The following ZDHHC2 variants were observed in gnomAD, a reference collection of about 807,000 sequenced individuals.
The protein encoded by ZDHHC2 is palmitoyltransferase ZDHHC2.
Under a neutral mutation model 55.6 loss-of-function variants are expected in ZDHHC2, and 51 were observed. That is an observed-to-expected ratio of 0.92 (90% CI 0.73 to 1.16). ZDHHC2 has a LOEUF of 1.16. ZDHHC2 is among the 50% of genes most tolerant of loss of function. ZDHHC2 has a pLI of 0.00. For missense variants in ZDHHC2, 491 were observed against 442.4 expected (o/e 1.11, Z -0.99); for synonymous variants, 199 against 152.9 (o/e 1.30, Z -2.22).
chr8:17,213,155 A>G (rs1313617305), intron 10 of ZDHHC2, among the ~76,000 whole-genome samples: 1 of 151,770 alleles, frequency 6.6e-6, no homozygotes, highest in African/African-American at 2.4e-5. Context: ...CTCTTTATTT[A>G]TATTCTGTTC....
intron 12 of ZDHHC2, among the ~76,000 whole-genome samples, chr8:17,218,989 G>T (rs1023265921): frequency 1.3e-5 from 2 of 151,326 alleles, no homozygotes; most frequent in Admixed American, 6.6e-5. Context: ...GGTGGCTCAC[G>T]CCTGGTAATC....
rs1247426777 is a variant in ZDHHC2, at chr8:17,222,664, A to C, written c.*2443A>C. On this transcript the variant is annotated 3_prime_UTR_variant, in exon 13 of 13. Coordinates refer to ENST00000262096, the MANE Select transcript of ZDHHC2 (RefSeq NM_016353.5). ...TTAAAGAACAGTTGCATCTGAATAT[A>C]ATCATGATGCATTCAATGAAGTTCA... 6.6e-6 allele frequency: 1 copy of C among 151,896 alleles called. No individual in the cohort carries two copies. The highest frequency in any genetic ancestry group is 1.5e-5 in the Non-Finnish European group (1 of 67,812). The allele number at this position is 151,896 out of a possible 1,614,324, so 9.4% of individuals were successfully genotyped here. A position where few individuals can be genotyped will look rare whatever the true frequency, so the allele number is the denominator to read the frequency against.
chr8:17,189,990 A>G (rs1449070130), intron 3 of ZDHHC2, among the ~76,000 whole-genome samples: 1 of 152,190 alleles, frequency 6.6e-6, no homozygotes, highest in Non-Finnish European at 1.5e-5. Context: ...CTTTCTTTTC[A>G]CTACACCATG....
chr8:17,212,154 C>T (rs1159758921), intron 10 of ZDHHC2, among the ~76,000 whole-genome samples: 1 of 152,110 alleles, frequency 6.6e-6, no homozygotes, highest in Non-Finnish European at 1.5e-5. Flanking sequence ...CAGATTTAGA[C>T]AGCTAAAGTC....
chr8:17,215,175 ATC>A, intron 10 of ZDHHC2, 60 bp from the exon 11 acceptor site: 1 of 1,458,630 alleles, frequency 6.9e-7, no homozygotes, highest in Non-Finnish European at 9.3e-7. Context: ...TTGAGAAACA[ATC>A]AACTTTACTA....
rs551659187 is a variant in ZDHHC2, at chr8:17,176,238, A to G, written c.131-8551A>G. Among the ~76,000 whole-genome samples, 4 of 152,292 alleles carry G rather than the reference A, an allele frequency of 2.6e-5. No homozygotes were observed. In the East Asian group the frequency reaches 7.7e-4, roughly 29 times the overall value. On this transcript the variant is annotated intron_variant, in intron 1 of 12. Transcript: ENST00000262096. Reference sequence around the variant, plus strand: ...GCCTTGCCCCGTGTTTGTGGTTAGTAGACTGTTAGGAATATCAGGACTGGC... The same window carrying G: ...GCCTTGCCCCGTGTTTGTGGTTAGTGGACTGTTAGGAATATCAGGACTGGC...
chr8:17,199,539 C>CGTCTTCT (rs149144941), intron 6 of ZDHHC2, among the ~76,000 whole-genome samples: 6 of 67,952 alleles, frequency 8.8e-5, no homozygotes, highest in Non-Finnish European at 1.7e-4. Flanking sequence ...CTTCTGTCTT[C>CGTCTTCT]GTCTTCTGTC....
At chr8:17,183,438 C>T (rs969445634) in intron 1 of ZDHHC2, among the ~76,000 whole-genome samples, 1 of 152,194 alleles carries the variant, frequency 6.6e-6, no homozygotes, top group Non-Finnish European at 1.5e-5. Flanking sequence ...AGAAAGCAAA[C>T]TCTGACTAGC....
intron 12 of ZDHHC2, among the ~76,000 whole-genome samples, chr8:17,219,697 C>G (rs543818163): frequency 1.3e-5 from 2 of 152,166 alleles, no homozygotes; most frequent in Admixed American, 1.3e-4. Flanking sequence ...TGACTTGAGC[C>G]AGGGAGGCGG....
intron 3 of ZDHHC2, among the ~76,000 whole-genome samples, chr8:17,194,811 T>C (rs762348811): frequency 3.9e-5 from 6 of 152,196 alleles, no homozygotes; most frequent in African/African-American, 7.2e-5. Context: ...TGTGTTCTTT[T>C]TTTTGTATTT....
intron 1 of ZDHHC2, among the ~76,000 whole-genome samples, chr8:17,161,612 C>G (rs948050200): frequency 6.6e-6 from 1 of 152,188 alleles, no homozygotes; most frequent in Non-Finnish European, 1.5e-5. Flanking sequence ...AATCCCAGCA[C>G]TTTGGGAGGC....
chr8:17,198,295 G>T, intron 5 of ZDHHC2, 86 bp from the exon 6 acceptor site: 1 of 1,294,002 alleles, frequency 7.7e-7, no homozygotes, highest in South Asian at 1.7e-5. Context: ...GCAGCTGTTT[G>T]AACTAACCAT....
chr8:17,187,413 A>C (rs537509846), intron 3 of ZDHHC2, among the ~76,000 whole-genome samples: 2 of 146,100 alleles, frequency 1.4e-5, no homozygotes, highest in East Asian at 2.0e-4. Flanking sequence ...AGCCAAGTTT[A>C]AAAAAAAAAA....
At chr8:17,218,642 G>C (rs1278280117) in intron 12 of ZDHHC2, among the ~76,000 whole-genome samples, 2 of 152,032 alleles carry the variant, frequency 1.3e-5, no homozygotes, top group Admixed American at 1.3e-4. Context: ...TTAAAACATT[G>C]AAATTAAAAA....
In ZDHHC2 at chr8:17,209,522, T is replaced by C. The variant is rs114093384; in HGVS notation, c.731-410T>C. ...AAATGGATTTACTTAAAAACAAAGGTTGTAGAATGTATGTAAAAGATAGTC... is the reference window on the plus strand; with the variant it reads ...AAATGGATTTACTTAAAAACAAAGGCTGTAGAATGTATGTAAAAGATAGTC... On this transcript the variant is annotated intron_variant, in intron 8 of 12. Coordinates refer to ENST00000262096, the MANE Select transcript of ZDHHC2 (RefSeq NM_016353.5). Among the ~76,000 whole-genome samples, 698 of 152,096 alleles carry C rather than the reference T, an allele frequency of 4.6e-3. 5 individuals are homozygous for C. The highest frequency in any genetic ancestry group is 0.016 in the African/African-American group (669 of 41,478).
intron 1 of ZDHHC2, among the ~76,000 whole-genome samples, chr8:17,172,262 G>A (rs575989703): frequency 3.3e-5 from 5 of 152,156 alleles, no homozygotes; most frequent in Non-Finnish European, 7.3e-5. Flanking sequence ...TTTCAGGGCC[G>A]AGAGAACTGA....
intron 3 of ZDHHC2, among the ~76,000 whole-genome samples, chr8:17,186,676 T>A (rs894964835): frequency 3.9e-5 from 6 of 152,150 alleles, no homozygotes. Context: ...GAGTCAGACA[T>A]CAGGATGGAT....
At chr8:17,178,778 A>G (rs189265101) in intron 1 of ZDHHC2, among the ~76,000 whole-genome samples, 2 of 152,306 alleles carry the variant, frequency 1.3e-5, no homozygotes, top group Admixed American at 6.5e-5. Context: ...ATTATGGGTT[A>G]TTACTTTGAC....
chr8:17,173,015 G>A (rs1019550012), intron 1 of ZDHHC2, among the ~76,000 whole-genome samples: 11 of 152,210 alleles, frequency 7.2e-5, no homozygotes, highest in African/African-American at 2.7e-4. Flanking sequence ...AAGTTGGTTG[G>A]TGGAGCAAGG....
Sources: gnomAD v4.1 joint callset for allele counts (sites outside exome capture counted in the v4.1 genomes callset) on GRCh38, gnomAD v4.1.1 for gene constraint, MANE v1.5 for transcripts, NCBI Gene and HGNC (gene_info 2026-07-23, HGNC 2026-07-21) for gene names.